Variants in VDAC1 observed in about 807,000 individuals in gnomAD.
The protein encoded by VDAC1 is voltage dependent anion channel 1, also known as non-selective voltage-gated ion channel VDAC1.
Under a neutral mutation model 34.7 loss-of-function variants are expected in VDAC1, and 10 were observed. The observed-to-expected ratio is 0.29, with a 90% CI of 0.18 to 0.49. VDAC1 has a LOEUF of 0.49. Ranked by LOEUF, VDAC1 falls within the 20% of genes least tolerant of loss-of-function variation. VDAC1 has a pLI of 0.99. For synonymous variants in VDAC1, 130 were observed against 136.0 expected (o/e 0.96, Z 0.30); for missense variants, 230 against 347.9 (o/e 0.66, Z 2.69).
At chr5:133,973,722 T>A in intron 8 of VDAC1, 69 bp downstream of exon 8, 2 of 1,438,514 alleles carry the variant, frequency 1.4e-6, no homozygotes, top group Admixed American at 1.9e-5. Context: ...AGCAATGACA[T>A]AAATCAGCAA....
At chr5:134,113,660 A>G in the VDAC1 span, among the ~76,000 whole-genome samples, 1 of 152,286 alleles carries the variant, frequency 6.6e-6, no homozygotes, top group South Asian at 2.1e-4. Flanking sequence ...TCTTTTGTAG[A>G]TGCAGGGGCT....
At chr5:134,094,342 C>T in the VDAC1 span, among the ~76,000 whole-genome samples, 2 of 152,132 alleles carry the variant, frequency 1.3e-5, no homozygotes, top group African/African-American at 2.4e-5. Flanking sequence ...GCCCAGGTAG[C>T]GGAACGACGA....
chr5:134,012,379 A>C, the VDAC1 span, among the ~76,000 whole-genome samples: 2 of 152,250 alleles, frequency 1.3e-5, no homozygotes, highest in African/African-American at 4.8e-5. Context: ...ACTAATATAC[A>C]ACCTCTAAAA....
chr5:134,103,676 G>A, the VDAC1 span, among the ~76,000 whole-genome samples: 1 of 152,208 alleles, frequency 6.6e-6, no homozygotes, highest in African/African-American at 2.4e-5. Flanking sequence ...GCAGCCAAAG[G>A]GTTGTTTTTA....
chr5:134,093,847 A>G, the VDAC1 span, among the ~76,000 whole-genome samples: 1 of 152,154 alleles, frequency 6.6e-6, no homozygotes, highest in African/African-American at 2.4e-5. Context: ...TGCTGAGCTG[A>G]TACTCCCCAG....
At chr5:134,095,311 A>T in the VDAC1 span, among the ~76,000 whole-genome samples, 6 of 151,804 alleles carry the variant, frequency 4.0e-5, no homozygotes, top group African/African-American at 1.5e-4. Context: ...GGGAGATCCC[A>T]TCTCTACAAA....
the VDAC1 span, among the ~76,000 whole-genome samples, chr5:134,053,210 A>G: frequency 6.6e-6 from 1 of 152,200 alleles, no homozygotes; most frequent in Non-Finnish European, 1.5e-5. Context: ...CTGACTCCAA[A>G]TCCAGGCCCT....
At chr5:134,109,337 G>A in the VDAC1 span, among the ~76,000 whole-genome samples, 3 of 152,170 alleles carry the variant, frequency 2.0e-5, no homozygotes, top group Admixed American at 6.5e-5. Flanking sequence ...TAGTGCAGGC[G>A]TATTCCTCTG....
intron 4 of VDAC1, 26 bp from the exon 5 acceptor site, chr5:133,990,933 A>G: frequency 6.3e-7 from 1 of 1,596,520 alleles, no homozygotes; most frequent in East Asian, 2.2e-5. Flanking sequence ...ATTTGCCACT[A>G]GATTTAGTCA....
At chr5:134,020,776 A>G in the VDAC1 span, among the ~76,000 whole-genome samples, 6 of 152,082 alleles carry the variant, frequency 3.9e-5, no homozygotes, top group South Asian at 1.0e-3. Context: ...TCCCGGGTTC[A>G]CGCCATTCTC....
the VDAC1 span, among the ~76,000 whole-genome samples, chr5:134,023,181 T>C: frequency 2.0e-5 from 3 of 152,082 alleles, no homozygotes; most frequent in Non-Finnish European, 2.9e-5. Context: ...TGCAGGGACA[T>C]GGATGAAGGT....
At chr5:133,988,365 T>C (rs1479258582) in intron 5 of VDAC1, among the ~76,000 whole-genome samples, 1 of 151,406 alleles carries the variant, frequency 6.6e-6, no homozygotes, top group African/African-American at 2.4e-5. Context: ...GGTGGGCAGA[T>C]CACCCAAGGT....
the VDAC1 span, among the ~76,000 whole-genome samples, chr5:134,045,447 G>A: frequency 6.6e-6 from 1 of 152,306 alleles, no homozygotes; most frequent in East Asian, 1.9e-4. Flanking sequence ...AGGCTTTAGG[G>A]AAGAATCATT....
At chr5:134,078,270 G>A in the VDAC1 span, among the ~76,000 whole-genome samples, 5 of 152,212 alleles carry the variant, frequency 3.3e-5, no homozygotes, top group Non-Finnish European at 7.3e-5. Flanking sequence ...AGACAGAGGA[G>A]GGAGACCCAC....
At chr5:134,040,101 C>T in the VDAC1 span, among the ~76,000 whole-genome samples, 4 of 152,140 alleles carry the variant, frequency 2.6e-5, no homozygotes, top group African/African-American at 9.7e-5. Context: ...TTTTGGCACC[C>T]GAGAGAGAGA....
chr5:134,106,503 G>A, the VDAC1 span, among the ~76,000 whole-genome samples: 12 of 150,908 alleles, frequency 8.0e-5, no homozygotes, highest in Non-Finnish European at 1.6e-4. Context: ...TGCCTCCTGA[G>A]TTCAAGCGAT....
the VDAC1 span, among the ~76,000 whole-genome samples, chr5:134,035,019 C>G: frequency 6.6e-6 from 1 of 151,968 alleles, no homozygotes; most frequent in African/African-American, 2.4e-5. Flanking sequence ...CTAGCTCTGT[C>G]CACCGAGAGG....
At chr5:134,088,823 T>C in the VDAC1 span, among the ~76,000 whole-genome samples, 26 of 152,112 alleles carry the variant, frequency 1.7e-4, no homozygotes, top group Admixed American at 1.7e-3. Flanking sequence ...ACATTCCAAG[T>C]TTTCCCCCAA....
the VDAC1 span, among the ~76,000 whole-genome samples, chr5:134,069,422 G>A: frequency 6.6e-6 from 1 of 152,156 alleles, no homozygotes; most frequent in Non-Finnish European, 1.5e-5. Context: ...AGCAGGGCAG[G>A]AGGAAGGAAT....
Sources: gnomAD v4.1 joint callset for allele counts (sites outside exome capture counted in the v4.1 genomes callset) on GRCh38, gnomAD v4.1.1 for gene constraint, MANE v1.5 for transcripts, NCBI Gene and HGNC (gene_info 2026-07-23, HGNC 2026-07-21) for gene names.